The following EDC3 variants were observed in gnomAD, a reference collection of about 807,000 sequenced individuals.
EDC3 encodes enhancer of mRNA decapping 3, also known as enhancer of mRNA-decapping protein 3.
EDC3 carries 20 observed loss-of-function variants against 41.8 expected under a neutral mutation model. That is an observed-to-expected ratio of 0.48 (90% CI 0.34 to 0.70). The LOEUF is 0.70. Among genes scored for constraint, EDC3 ranks in the 30% least tolerant of loss-of-function variants. The pLI, the probability that EDC3 is intolerant of heterozygous loss-of-function variation, is 0.01. For synonymous variants in EDC3, 206 were observed against 243.2 expected (o/e 0.85, Z 1.42); for missense variants, 444 against 636.8 (o/e 0.70, Z 3.26).
intron 3 of EDC3, among the ~76,000 whole-genome samples, chr15:74,669,042 C>T (rs1037217762): frequency 1.1e-4 from 17 of 152,126 alleles, no homozygotes; most frequent in African/African-American, 3.6e-4. Flanking sequence ...TCGAAATCAG[C>T]TTGGGCAACA....
intron 1 of EDC3, among the ~76,000 whole-genome samples, chr15:74,690,513 C>A (rs530840801): frequency 1.6e-4 from 24 of 152,200 alleles, no homozygotes; most frequent in Non-Finnish European, 5.9e-5. Flanking sequence ...CAATAAACAA[C>A]CCTTGGCCTG....
At chr15:74,638,851 CCATT>C (rs1417221540) in intron 5 of EDC3, 2 of 151,930 alleles carry the variant, frequency 1.3e-5, no homozygotes, top group Non-Finnish European at 2.9e-5. Context: ...CCTCTAAAAT[CCATT>C]CAATTACCTT....
At chr15:74,678,363 C>T (rs1467986452) in intron 1 of EDC3, among the ~76,000 whole-genome samples, 3 of 151,936 alleles carry the variant, frequency 2.0e-5, no homozygotes, top group African/African-American at 4.8e-5. Flanking sequence ...TCTGTATTTT[C>T]GGCTCAATTT....
intron 5 of EDC3, chr15:74,636,645 C>T (rs540077801): frequency 1.2e-4 from 19 of 152,326 alleles, no homozygotes; most frequent in South Asian, 8.3e-4. Context: ...AGTCACTTAC[C>T]GGTTTCCCAA....
chr15:74,638,252 A>G (rs1327707186), intron 5 of EDC3: 1 of 145,300 alleles, frequency 6.9e-6, no homozygotes, highest in Non-Finnish European at 1.5e-5. Flanking sequence ...GATCTCATCT[A>G]CTCTTACACC....
chr15:74,652,591 T>G (rs1263413221), intron 4 of EDC3, among the ~76,000 whole-genome samples: 1 of 149,682 alleles, frequency 6.7e-6, no homozygotes, highest in Non-Finnish European at 1.5e-5. Context: ...GTTTTTGTGT[T>G]TTTTTTTTGA....
Position 74,686,884 on chromosome 15 carries a change from C to T in EDC3, c.-19+8996G>A, listed in dbSNP as rs183372921. On this transcript the variant is annotated intron_variant, in intron 1 of 6. Coordinates refer to ENST00000315127, the MANE Select transcript of EDC3 (RefSeq NM_025083.5). ...CTATAATCCCAGCACTTTGGGAGGC[C>T]GACGTGGACGGCATGGTGGCATGCA... Among the ~76,000 whole-genome samples the T allele has an allele frequency of 9.4e-3, 1,422 of 151,940 alleles. 11 individuals are homozygous for T. Among genetic ancestry groups the T allele is most frequent in the Middle Eastern group, 0.017 (5 of 292 alleles).
At position 74,635,642 on chromosome 15, in the gene EDC3, A is replaced by C; in HGVS notation, c.975-16T>G. 3 of 1,609,648 alleles carry C rather than the reference A, an allele frequency of 1.9e-6. No homozygotes were observed. Among genetic ancestry groups the C allele is most frequent in the Non-Finnish European group, 2.6e-6 (3 of 1,176,384 alleles). On this transcript the variant is annotated splice_polypyrimidine_tract_variant and intron_variant, in intron 5 of 6. Coordinates refer to ENST00000315127, the MANE Select transcript of EDC3 (RefSeq NM_025083.5). ...GGGATTCAACCTGGAAAAGAAGGTG[A>C]AGAAGCAGTATCAGCTACATACTTG...
chr15:74,692,109 G>A (rs1038751756), intron 1 of EDC3, among the ~76,000 whole-genome samples: 7 of 152,120 alleles, frequency 4.6e-5, no homozygotes, highest in Admixed American at 3.3e-4. Flanking sequence ...GTGAGCCACC[G>A]CACCCGGCCA....
At chr15:74,659,642 G>A (rs1464930895) in intron 3 of EDC3, among the ~76,000 whole-genome samples, 1 of 151,788 alleles carries the variant, frequency 6.6e-6, no homozygotes, top group Non-Finnish European at 1.5e-5. Context: ...AGGCCAAGGT[G>A]GGCAGATCAC....
chr15:74,648,741 G>A (rs2062445501), intron 4 of EDC3, among the ~76,000 whole-genome samples: 1 of 152,074 alleles, frequency 6.6e-6, no homozygotes, highest in Non-Finnish European at 1.5e-5. Flanking sequence ...CATCCTTCAG[G>A]CAAAGCTGCA....
Position 74,675,539 on chromosome 15 carries a change from T to C in EDC3, c.-18-397A>G, listed in dbSNP as rs1177388045. On this transcript the variant is annotated intron_variant, in intron 1 of 6. Coordinates refer to ENST00000315127, the MANE Select transcript of EDC3 (RefSeq NM_025083.5). ...CTGATAATGCCACTCTTGCTGATGA[T>C]GATAATAATAATAATAATTAATAAT... Among the ~76,000 whole-genome samples, 3 of 150,310 alleles carry C rather than the reference T, an allele frequency of 2.0e-5. No homozygotes were observed. In the South Asian group the frequency reaches 6.2e-4, roughly 31 times the overall value.
At chr15:74,651,521 T>C (rs1398994818) in intron 4 of EDC3, among the ~76,000 whole-genome samples, 1 of 152,244 alleles carries the variant, frequency 6.6e-6, no homozygotes, top group African/African-American at 2.4e-5. Context: ...ATAGCTTATG[T>C]ACTGTTGGTT....
chr15:74,635,537 C>T lies in EDC3; in HGVS notation c.1064G>A (p.Arg355Lys), dbSNP rs771675088. Residue 355 changes from arginine to lysine, a missense_variant, in exon 6 of 7, where the codon AGG (arginine) becomes AAG (lysine). Physicochemically the swap from Arg to Lys is conservative, Grantham distance 26. Around this residue, in one of 3 missense-constraint regions of EDC3, gnomAD observed 242 missense variants for 363.8 expected, o/e 0.67. Coordinates refer to ENST00000315127, the MANE Select transcript of EDC3 (RefSeq NM_025083.5). ...CTGGACATCATGGTTGGCTAGGTGC[C>T]TTCCACAGCTGATACCCTGAGCCCC... ...VKGAQGISCG[R>K]HLANHDVQVI... 12 of 1,614,234 alleles carry T rather than the reference C, an allele frequency of 7.4e-6. No individual in the cohort carries two copies. In the South Asian group the frequency reaches 1.3e-4, roughly 18 times the overall value.
chr15:74,661,730 C>CAAAAAAA (rs765980886), intron 3 of EDC3, among the ~76,000 whole-genome samples: 3 of 109,340 alleles, frequency 2.7e-5, no homozygotes, highest in South Asian at 2.8e-4. Flanking sequence ...GACTCTGTCT[C>CAAAAAAA]AAAAAAAAAA....
chr15:74,686,187 C>T (rs1357862342), intron 1 of EDC3, among the ~76,000 whole-genome samples: 4 of 151,860 alleles, frequency 2.6e-5, no homozygotes, highest in Non-Finnish European at 5.9e-5. Flanking sequence ...TAGCCAAATG[C>T]GGTGGCATGT....
At chr15:74,655,577 C>T (rs184169555) in intron 4 of EDC3, among the ~76,000 whole-genome samples, 156 bp downstream of exon 4, 3 of 152,298 alleles carry the variant, frequency 2.0e-5, no homozygotes, top group African/African-American at 7.2e-5. Context: ...CTGTTATTGG[C>T]TGCAATCCCC....
chr15:74,675,054 C>A lies in EDC3; in HGVS notation c.71G>T (p.Arg24Ile). 6.2e-7 allele frequency: 1 copy of A among 1,614,064 alleles called. No homozygotes were observed. Among genetic ancestry groups the A allele is most frequent in the African/African-American group, 1.3e-5 (1 of 75,056 alleles). ...GCTGACCTGATCCACAGCTGACACTCTTCCCTGATAGACACCCAAGCTATC... is the reference window on the plus strand; with the variant it reads ...GCTGACCTGATCCACAGCTGACACTATTCCCTGATAGACACCCAAGCTATC... ...CGDSLGVYQG[R>I]VSAVDQVSQT... The change falls in exon 2 of 7, where the codon AGA becomes ATA. Residue 24 changes from arginine to isoleucine, a missense_variant. Arg to Ile is a moderately conservative substitution (Grantham distance 97, BLOSUM62 -3). This residue lies in a region of EDC3 where 200 missense variants were observed against 244.0 expected (regional missense o/e 0.82). Transcript: ENST00000315127.
chr15:74,648,245 C>T (rs58763676), intron 4 of EDC3, among the ~76,000 whole-genome samples: 1 of 152,182 alleles, frequency 6.6e-6, no homozygotes, highest in Non-Finnish European at 1.5e-5. Flanking sequence ...AAACAGATTT[C>T]TTGACTACCT....
Sources: allele counts gnomAD v4.1 joint callset (sites outside exome capture counted in the v4.1 genomes callset), GRCh38; gene constraint gnomAD v4.1.1; regional missense constraint gnomAD v4.1.1; transcripts MANE v1.5; gene names NCBI Gene and HGNC (gene_info 2026-07-23, HGNC 2026-07-21).